SLC7A6: variants seen among roughly 807,000 people sequenced by gnomAD.
SLC7A6 encodes the protein solute carrier family 7 member 6.
SLC7A6 carries 29 observed loss-of-function variants against 46.6 expected under a neutral mutation model. The observed-to-expected ratio is 0.62, with a 90% CI of 0.46 to 0.85. SLC7A6 has a LOEUF of 0.85. Among genes scored for constraint, SLC7A6 ranks in the 40% least tolerant of loss-of-function variants. The pLI is 0.00. For synonymous variants in SLC7A6, 276 were observed against 257.3 expected (o/e 1.07, Z -0.70); for missense variants, 527 against 647.6 (o/e 0.81, Z 2.02).
chr16:68,288,187 A>G (rs1443125042), intron 4 of SLC7A6, among the ~76,000 whole-genome samples: 1 of 152,158 alleles, frequency 6.6e-6, no homozygotes, highest in East Asian at 1.9e-4. Flanking sequence ...CTGTGGGGAT[A>G]GAGTGGCTCC....
intron 3 of SLC7A6, chr16:68,287,212 A>T: frequency 1.3e-6 from 1 of 756,366 alleles, no homozygotes; most frequent in Non-Finnish European, 1.9e-6. Context: ...TCCTGGGCTC[A>T]CATGATCCAT....
In SLC7A6 at chr16:68,300,486, A is replaced by T. The variant is rs560593687; in HGVS notation, c.*3158A>T. ...CATTACTCAGTGGAAAGCTAAGTTCAGAAGGTACTTTGTTTTTCCTCCCTT... is the reference window on the plus strand; with the variant it reads ...CATTACTCAGTGGAAAGCTAAGTTCTGAAGGTACTTTGTTTTTCCTCCCTT... On this transcript the variant is annotated 3_prime_UTR_variant, in exon 11 of 11. Coordinates refer to ENST00000219343, the MANE Select transcript of SLC7A6 (RefSeq NM_003983.6). 1.6e-4 allele frequency: 62 copies of T among 382,932 alleles called. No individual in the cohort carries two copies. The highest frequency in any genetic ancestry group is 1.3e-3 in the African/African-American group (61 of 45,658). 23.7% of individuals were successfully genotyped at this position (382,932 alleles called of 1,614,324 possible).
chr16:68,272,821 T>G (rs1192541950), intron 2 of SLC7A6, among the ~76,000 whole-genome samples: 1 of 152,152 alleles, frequency 6.6e-6, no homozygotes, highest in Non-Finnish European at 1.5e-5. Flanking sequence ...CATGTTGACT[T>G]GGGTAGAAAA....
rs944854231 is a variant in SLC7A6 at position 68,287,360 on chromosome 16, T to C, written c.524-386T>C. 3.1e-6 allele frequency: 4 copies of C among 1,292,370 alleles called. No individual in the cohort carries two copies. In the African/African-American group the frequency reaches 4.5e-5, roughly 15 times the overall value. 80.1% of individuals were successfully genotyped at this position (1,292,370 alleles called of 1,614,324 possible). A position where few individuals can be genotyped will look rare whatever the true frequency, so the allele number is the denominator to read the frequency against. On this transcript the variant is annotated intron_variant, in intron 3 of 10. Transcript: ENST00000219343. ...CTGCATTCAAATTTACCTCACTTACTGATGAGTTTCTTTTGGCCATGAAGA... is the reference window on the plus strand; with the variant it reads ...CTGCATTCAAATTTACCTCACTTACCGATGAGTTTCTTTTGGCCATGAAGA...
intron 4 of SLC7A6, among the ~76,000 whole-genome samples, chr16:68,289,194 G>A (rs2042998326): frequency 6.6e-6 from 1 of 152,126 alleles, no homozygotes; most frequent in Non-Finnish European, 1.5e-5. Context: ...TCGGGAGGCT[G>A]AGGCAGGAGA....
intron 7 of SLC7A6, chr16:68,292,564 T>C (rs2151230568): frequency 6.6e-6 from 1 of 152,350 alleles, no homozygotes; most frequent in East Asian, 1.9e-4. Context: ...GGTCTCACTA[T>C]GTTGCCCAGG....
At position 68,298,240 on chromosome 16, in the gene SLC7A6, T is replaced by G. The variant is rs1228582718; in HGVS notation, c.*912T>G. 1.8e-4 allele frequency: 27 copies of G among 152,512 alleles called. No homozygotes were observed. The highest frequency in any genetic ancestry group is 1.7e-3 in the Admixed American group (26 of 15,266). The allele number at this position is 152,512 out of a possible 1,614,324, so 9.4% of individuals were successfully genotyped here. A position where few individuals can be genotyped will look rare whatever the true frequency, so the allele number is the denominator to read the frequency against. Reference sequence around the variant, plus strand: ...TCTTTGTTCTAGCTGACAGTAAATCTCTGGGTTTCTGTTACGAACTCTAAG... The same window carrying G: ...TCTTTGTTCTAGCTGACAGTAAATCGCTGGGTTTCTGTTACGAACTCTAAG... On this transcript the variant is annotated 3_prime_UTR_variant, in exon 11 of 11. Transcript: ENST00000219343.
chr16:68,291,226 T>C lies in SLC7A6; in HGVS notation c.812T>C (p.Ile271Thr), dbSNP rs2043043655. The part of the protein sequence containing the change: ...KNPERNLPLA[I>T]GISMPIVTLI... ...CCTGACAGAAATTTGCCCTTGGCCA[T>C]TGGGATTTCTATGCCAATTGTGACG... is the stretch of plus-strand genomic sequence containing the variant. Residue 271 changes from isoleucine (I) to threonine (T), a missense_variant, in exon 6 of 11, where the codon ATT becomes ACT. Ile to Thr is a moderately conservative substitution (Grantham distance 89). Transcript: ENST00000219343. 1 of 1,614,246 alleles carries C rather than the reference T, an allele frequency of 6.2e-7. No homozygotes were observed. Among genetic ancestry groups the C allele is most frequent in the Admixed American group, 1.7e-5 (1 of 60,028 alleles).
chr16:68,281,377 T>C (rs1490391888), intron 3 of SLC7A6, among the ~76,000 whole-genome samples: 3 of 152,196 alleles, frequency 2.0e-5, no homozygotes, highest in Non-Finnish European at 4.4e-5. Context: ...AAGGGGGTGC[T>C]TTTTGCTTCT....
At chr16:68,294,887 C>A in intron 8 of SLC7A6, 86 bp downstream of exon 8, 1 of 844,206 alleles carries the variant, frequency 1.2e-6, no homozygotes, top group South Asian at 1.4e-5. Flanking sequence ...AAGAGGGACC[C>A]TGAGAAAGGC....
At chr16:68,272,842 G>C (rs1336866082) in intron 2 of SLC7A6, 1 of 152,172 alleles carries the variant, frequency 6.6e-6, no homozygotes, top group Non-Finnish European at 1.5e-5. Flanking sequence ...GGCATCCTAG[G>C]TCTCTTTGCA....
chr16:68,279,183 A>AC (rs2042783351), intron 3 of SLC7A6, among the ~76,000 whole-genome samples: 1 of 151,170 alleles, frequency 6.6e-6, no homozygotes, highest in East Asian at 2.0e-4. Flanking sequence ...AAAAAAAAAA[A>AC]ATTAGGCATG....
Position 68,291,334 on chromosome 16 carries a change from T to C in SLC7A6, c.918+2T>C. 1.2e-6 allele frequency: 2 copies of C among 1,613,948 alleles called. No individual in the cohort carries two copies. The highest frequency in any genetic ancestry group is 2.2e-5 in the South Asian group (2 of 91,062). ...CTTAGCAGTGATGCTGTGGCTGTGG[T>C]GAGTCTCTTGGGATCCCCATTTGTT... On this transcript the variant is annotated splice_donor_variant, in intron 6 of 10. Coordinates refer to ENST00000219343, the MANE Select transcript of SLC7A6 (RefSeq NM_003983.6). LOFTEE classifies it high-confidence loss of function.
At chr16:68,284,764 C>G (rs1365974339) in intron 3 of SLC7A6, 1 of 423,746 alleles carries the variant, frequency 2.4e-6, no homozygotes, top group Admixed American at 6.5e-5. Flanking sequence ...ATGTTTATTT[C>G]CACCTTTTTG....
At chr16:68,289,893 T>C (rs1229419134) in intron 4 of SLC7A6, among the ~76,000 whole-genome samples, 1 of 152,196 alleles carries the variant, frequency 6.6e-6, no homozygotes, top group Admixed American at 6.5e-5. Context: ...ATTGACCAAA[T>C]TGTGCAGTAG....
intron 10 of SLC7A6, 86 bp from the exon 11 acceptor site, chr16:68,297,148 C>G: frequency 7.9e-7 from 1 of 1,263,566 alleles, no homozygotes; most frequent in Non-Finnish European, 1.1e-6. Context: ...GGCGAGGGAG[C>G]CATAGATGTT....
At position 68,296,435 on chromosome 16, in the gene SLC7A6, C is replaced by T; in HGVS notation, c.1191C>T (p.Tyr397=). The change falls in exon 9 of 11, where the codon TAC becomes TAT. Residue 397 remains tyrosine, a synonymous_variant. Transcript: ENST00000219343. ...FQLINYFSFS[Y]WFFVGLSVVG... is the part of the protein sequence containing the mutation. ...TTATCAACTACTTCAGCTTCAGCTA[C>T]TGGTTCTTCGTGGGCCTGTCTGTTG... is the stretch of plus-strand genomic sequence containing the variant. 6.2e-7 allele frequency: 1 copy of T among 1,614,120 alleles called. No homozygotes were observed. Among genetic ancestry groups the T allele is most frequent in the Non-Finnish European group, 8.5e-7 (1 of 1,180,028 alleles).
chr16:68,287,554 G>A, intron 3 of SLC7A6, 192 bp from the exon 4 acceptor site: 1 of 1,449,562 alleles, frequency 6.9e-7, no homozygotes, highest in East Asian at 2.6e-5. Flanking sequence ...AGTAGTGATG[G>A]AAGTGCCTGT....
Position 68,301,535 on chromosome 16 carries a change from A to G in SLC7A6, c.*4207A>G. On this transcript the variant is annotated 3_prime_UTR_variant, in exon 11 of 11. Coordinates refer to ENST00000219343, the MANE Select transcript of SLC7A6 (RefSeq NM_003983.6). ...CAAAATCCTTGCTCAATAAATAAAA[A>G]AGAATATAGAATTCTTTTTTTTTTA... is the stretch of plus-strand genomic sequence containing the variant. The G allele has an allele frequency of 4.4e-6, 3 of 679,810 alleles. No individual in the cohort carries two copies. Among genetic ancestry groups the G allele is most frequent in the Non-Finnish European group, 4.5e-6 (2 of 442,784 alleles). The allele number at this position is 679,810 out of a possible 1,614,324, so 42.1% of individuals were successfully genotyped here.
Sources: gnomAD v4.1 joint callset for allele counts (sites outside exome capture counted in the v4.1 genomes callset) on GRCh38, gnomAD v4.1.1 for gene constraint, MANE v1.5 for transcripts, NCBI Gene and HGNC (gene_info 2026-07-23, HGNC 2026-07-21) for gene names.